The following TASOR2 variants were observed in gnomAD, a reference collection of about 807,000 sequenced individuals.
TASOR2 encodes transcription activation suppressor family member 2, also known as protein TASOR 2.
In TASOR2, 84 loss-of-function variants were observed where a neutral mutation model predicts 199.5. That is an observed-to-expected ratio of 0.42 (90% CI 0.35 to 0.50). The LOEUF (loss-of-function observed/expected upper bound fraction) is 0.50, where lower values mean the gene tolerates loss of function less well. TASOR2 is among the 20% of genes least tolerant of loss of function. The pLI is 0.02. For missense variants in TASOR2, 2,796 were observed against 2,835.9 expected, an observed-to-expected ratio of 0.99 and a Z score of 0.32; for synonymous variants, 1,103 against 1,046.6, an observed-to-expected ratio of 1.05 and a Z score of -1.04.
At chr10:5,709,573 G>A in intron 1 of TASOR2, 1 of 1,230,752 alleles carries the variant, frequency 8.1e-7, no homozygotes, top group Non-Finnish European at 1.0e-6. Context: ...CAAGAATTCT[G>A]AGGGTATACT....
At position 5,698,630 on chromosome 10, in the gene TASOR2, C is replaced by T. The variant is rs781435884; in HGVS notation, c.-288+13455C>T. Among the ~76,000 whole-genome samples the T allele has an allele frequency of 6.6e-6, 1 of 152,022 alleles. No individual in the cohort carries two copies. Among genetic ancestry groups the T allele is most frequent in the Admixed American group, 6.6e-5 (1 of 15,252 alleles). On this transcript the variant is annotated intron_variant, in intron 1 of 20. Transcript: ENST00000328090. The surrounding 1 kb of genome is among the most constrained non-coding windows in gnomAD (Gnocchi z 4.4). Reference sequence around the variant, plus strand: ...TTCTATGGCTGTTTTTATGCTCTACCGGTAGAGATGAGTAGTTGTGACAGA... The same window carrying T: ...TTCTATGGCTGTTTTTATGCTCTACTGGTAGAGATGAGTAGTTGTGACAGA...
chr10:5,760,225 A>G (rs1201672927), intron 18 of TASOR2, among the ~76,000 whole-genome samples: 2 of 152,236 alleles, frequency 1.3e-5, no homozygotes, highest in Non-Finnish European at 2.9e-5. Flanking sequence ...TCTAAACACA[A>G]AAAAGGTTCA....
At position 5,750,928 on chromosome 10, in the gene TASOR2, T is replaced by C. The variant is rs1308351697; in HGVS notation, c.6606+901T>C. 2.6e-5 allele frequency among the ~76,000 whole-genome samples: 4 copies of C among 152,246 alleles called. No individual in the cohort carries two copies. Among genetic ancestry groups the C allele is most frequent in the Admixed American group, 2.0e-4 (3 of 15,288 alleles). ...TGTCTTCAGTCTGCAATAGTTCCTC[T>C]GTTATTCCTTGTCTTTTATGACCTT... On this transcript the variant is annotated intron_variant, in intron 15 of 20. Transcript: ENST00000328090. The surrounding 1 kb of genome is among the most constrained non-coding windows in gnomAD (Gnocchi z 5.4).
Position 5,730,352 on chromosome 10 carries a change from C to T in TASOR2, c.488-135C>T. The T allele has an allele frequency of 1.6e-6, 1 of 632,994 alleles. No homozygotes were observed. Among genetic ancestry groups the T allele is most frequent in the Non-Finnish European group, 2.6e-6 (1 of 380,278 alleles). 39.2% of individuals were successfully genotyped at this position (632,994 alleles called of 1,614,324 possible). On this transcript the variant is annotated intron_variant, in intron 10 of 20. Transcript: ENST00000328090. This position sits in a 1 kb window ranked among gnomAD's most constrained non-coding sequence, Gnocchi z 4.1. The stretch of plus-strand genomic sequence containing the variant: ...TACCTCTAAGTCTTCTATTAATTGC[C>T]ATTTAGGTTGTCATTTGAAATACTA...
chr10:5,691,016 C>T (rs905285587), intron 1 of TASOR2, among the ~76,000 whole-genome samples: 1 of 151,880 alleles, frequency 6.6e-6, no homozygotes, highest in African/African-American at 2.4e-5. Context: ...CATGGTGAAA[C>T]CCTGTCACTA....
intron 1 of TASOR2, among the ~76,000 whole-genome samples, chr10:5,695,754 G>A (rs1228756226): frequency 6.6e-6 from 1 of 152,134 alleles, no homozygotes; most frequent in African/African-American, 2.4e-5. Flanking sequence ...GAAAGGAGAT[G>A]GGCAAGTAAT....
In TASOR2 at chr10:5,718,039, T is replaced by A. The variant is rs79588823; in HGVS notation, c.-100+289T>A. Among the ~76,000 whole-genome samples, 185 of 152,326 alleles carry A rather than the reference T, an allele frequency of 1.2e-3. 2 individuals are homozygous for A. The East Asian group carries it at 0.026, about 22-fold the overall frequency. Reference sequence around the variant, plus strand: ...TATGAAATAAGAGAAAACAAGTAGCTGCTTATAAGGTGATGTGATTACACT... The same window carrying A: ...TATGAAATAAGAGAAAACAAGTAGCAGCTTATAAGGTGATGTGATTACACT... On this transcript the variant is annotated intron_variant, in intron 3 of 20. Coordinates refer to ENST00000328090, the Ensembl canonical transcript of TASOR2.
In TASOR2 at chr10:5,748,997, A is replaced by G. The variant is rs1405467312; in HGVS notation, c.5576A>G (p.Lys1859Arg). ...TTAAGAGGTAGTTACACCAGGAAAAAAGATGTTCCCACAGATGGCTATGAG... is the reference window on the plus strand; with the variant it reads ...TTAAGAGGTAGTTACACCAGGAAAAGAGATGTTCCCACAGATGGCTATGAG... The change falls in exon 15 of 21, where the codon AAA becomes AGA. Residue 1859 changes from lysine to arginine, a missense_variant. Transcript: ENST00000328090. The surrounding 1 kb of genome is among the most constrained non-coding windows in gnomAD (Gnocchi z 5.1). 3.7e-6 allele frequency: 6 copies of G among 1,614,136 alleles called. No individual in the cohort carries two copies. The highest frequency in any genetic ancestry group is 4.2e-6 in the Non-Finnish European group (5 of 1,180,014).
At chr10:5,686,345 G>A (rs1835815776) in intron 1 of TASOR2, among the ~76,000 whole-genome samples, 1 of 152,188 alleles carries the variant, frequency 6.6e-6, no homozygotes, top group South Asian at 2.1e-4. Flanking sequence ...CTAAGAACTT[G>A]ACTGAGACAT....
Position 5,742,640 on chromosome 10 carries a change from C to A in TASOR2, c.2757+114C>A. On this transcript the variant is annotated intron_variant, in intron 14 of 20. Transcript: ENST00000328090. This position sits in a 1 kb window ranked among gnomAD's most constrained non-coding sequence, Gnocchi z 4.2. ...TTTAAATTTTAGGACAGTGAATTCTCAAGGTATGTAAAGAACTATTACACC... is the reference window on the plus strand; with the variant it reads ...TTTAAATTTTAGGACAGTGAATTCTAAAGGTATGTAAAGAACTATTACACC... The A allele has an allele frequency of 1.0e-6, 1 of 990,442 alleles. No individual in the cohort carries two copies. The highest frequency in any genetic ancestry group is 1.5e-6 in the Non-Finnish European group (1 of 678,630). 61.4% of individuals were successfully genotyped at this position (990,442 alleles called of 1,614,324 possible). A position where few individuals can be genotyped will look rare whatever the true frequency, so the allele number is the denominator to read the frequency against.
intron 3 of TASOR2, 83 bp downstream of exon 4, chr10:5,717,833 G>C: frequency 2.0e-6 from 1 of 489,476 alleles, no homozygotes; most frequent in Non-Finnish European, 3.2e-6. Context: ...GATATTAGTT[G>C]AACATAGTTC....
Position 5,746,178 on chromosome 10 carries a change from G to A in TASOR2, c.2758-1G>A. ...TTTTTTTTTTACTTTGGCCGTTTCA[G>A]GTAACTGGGGAAGAAGCTAAACAAG... On this transcript the variant is annotated splice_acceptor_variant, in intron 14 of 20. Transcript: ENST00000328090. LOFTEE classifies it high-confidence loss of function. The A allele has an allele frequency of 6.6e-7, 1 of 1,511,286 alleles. No individual in the cohort carries two copies. The highest frequency in any genetic ancestry group is 8.8e-7 in the Non-Finnish European group (1 of 1,130,652). The allele number at this position is 1,511,286 out of a possible 1,614,324, so 93.6% of individuals were successfully genotyped here.
chr10:5,750,761 G>A lies in TASOR2; in HGVS notation c.6606+734G>A, dbSNP rs77213889. ...TCCCATTACCTCTTGATACTTAAAT[G>A]TGTATTACCTGAGTTCAAGGATCCT... On this transcript the variant is annotated intron_variant, in intron 15 of 20. Transcript: ENST00000328090. This position sits in a 1 kb window ranked among gnomAD's most constrained non-coding sequence, Gnocchi z 5.4. Among the ~76,000 whole-genome samples, 1 of 152,278 alleles carries A rather than the reference G, an allele frequency of 6.6e-6. No individual in the cohort carries two copies. Among genetic ancestry groups the A allele is most frequent in the East Asian group, 1.9e-4 (1 of 5,190 alleles).
In TASOR2 at chr10:5,722,702, T is replaced by C. The variant is rs151008434; in HGVS notation, c.147-975T>C. ...GTATAAGTGTAAAAGCATTTTAAAA[T>C]GAGTTTTTAAAAAGGAAACAGAGTG... On this transcript the variant is annotated intron_variant, in intron 6 of 20. Transcript: ENST00000328090. The surrounding 1 kb of genome is among the most constrained non-coding windows in gnomAD (Gnocchi z 4.0). 3.2e-4 allele frequency among the ~76,000 whole-genome samples: 48 copies of C among 152,078 alleles called. No homozygotes were observed. Among genetic ancestry groups the C allele is most frequent in the African/African-American group, 1.1e-3 (44 of 41,494 alleles).
Position 5,698,967 on chromosome 10 carries a change from A to G in TASOR2, c.-288+13792A>G, listed in dbSNP as rs1047256859. Among the ~76,000 whole-genome samples, 1 of 152,184 alleles carries G rather than the reference A, an allele frequency of 6.6e-6. No individual in the cohort carries two copies. The highest frequency in any genetic ancestry group is 2.4e-5 in the African/African-American group (1 of 41,464). On this transcript the variant is annotated intron_variant, in intron 1 of 20. Transcript: ENST00000328090. The surrounding 1 kb of genome is among the most constrained non-coding windows in gnomAD (Gnocchi z 4.4). ...CACAGATTTACTGGAAGAGCAAGCC[A>G]TTCTACTCTAAGGTATATACGTAAG...
chr10:5,748,751 C>T lies in TASOR2; in HGVS notation c.5330C>T (p.Ser1777Leu). 5.0e-6 allele frequency: 8 copies of T among 1,614,132 alleles called. No homozygotes were observed. The highest frequency in any genetic ancestry group is 6.8e-6 in the Non-Finnish European group (8 of 1,180,022). Reference sequence around the variant, plus strand: ...AAAGAGCCTTTGGCCTCCTTTGTTTCAGAATCCTTTGATACTTCTGTTTGT... The same window carrying T: ...AAAGAGCCTTTGGCCTCCTTTGTTTTAGAATCCTTTGATACTTCTGTTTGT... Residue 1777 changes from serine (S) to leucine (L), a missense_variant, in exon 15 of 21, where the codon TCA becomes TTA. Ser to Leu is a moderately radical substitution (Grantham distance 145). Coordinates refer to ENST00000328090, the Ensembl canonical transcript of TASOR2. The surrounding 1 kb of genome is among the most constrained non-coding windows in gnomAD (Gnocchi z 5.1).
In TASOR2 at chr10:5,740,538, T is replaced by TCA; in HGVS notation, c.2327+42_2327+43insAC. 1 of 1,578,346 alleles carries TCA rather than the reference T, an allele frequency of 6.3e-7. No individual in the cohort carries two copies. Among genetic ancestry groups the TCA allele is most frequent in the South Asian group, 1.1e-5 (1 of 87,560 alleles). ...ACTTAGTGAAAATGGATGAAACTTT[T>TCA]CTGTTGAGATGAATGTAGTGAGATG... On this transcript the variant is annotated intron_variant, in intron 13 of 20. Transcript: ENST00000328090. This position sits in a 1 kb window ranked among gnomAD's most constrained non-coding sequence, Gnocchi z 5.3.
Position 5,720,458 on chromosome 10 carries a change from T to C in TASOR2, c.-99-86T>C. 7.0e-7 allele frequency: 1 copy of C among 1,425,684 alleles called. No individual in the cohort carries two copies. The highest frequency in any genetic ancestry group is 9.1e-7 in the Non-Finnish European group (1 of 1,095,426). 88.3% of individuals were successfully genotyped at this position (1,425,684 alleles called of 1,614,324 possible). A position where few individuals can be genotyped will look rare whatever the true frequency, so the allele number is the denominator to read the frequency against. The stretch of plus-strand genomic sequence containing the variant: ...TATTTCTGACTCTAATGTGTTAAAT[T>C]TCAGGGCTCGGTGGGGTTGAGAAAA... On this transcript the variant is annotated intron_variant, in intron 3 of 20. Transcript: ENST00000328090. The surrounding 1 kb of genome is among the most constrained non-coding windows in gnomAD (Gnocchi z 5.3).
intron 14 of TASOR2, chr10:5,744,208 C>G (rs1836835210): frequency 6.6e-6 from 1 of 152,256 alleles, no homozygotes; most frequent in Non-Finnish European, 1.5e-5. Context: ...TTAAAGTTCT[C>G]AGAAGGACAC....
Sources: gnomAD v4.1 joint callset for allele counts (sites outside exome capture counted in the v4.1 genomes callset) on GRCh38, gnomAD v4.1.1 for gene constraint, Gnocchi (gnomAD v3.1) non-coding constraint, MANE v1.5 for transcripts, NCBI Gene and HGNC (gene_info 2026-07-23, HGNC 2026-07-21) for gene names.